BAIAP2: variants seen among roughly 807,000 people sequenced by gnomAD.
BAIAP2 encodes BAR/IMD domain containing adaptor protein 2, also known as BAR/IMD domain-containing adapter protein 2.
In BAIAP2, 18 loss-of-function variants were observed where a neutral mutation model predicts 63.0. The observed-to-expected ratio is 0.29, with a 90% CI of 0.20 to 0.42. The LOEUF (loss-of-function observed/expected upper bound fraction) is 0.42, where lower values mean the gene tolerates loss of function less well. Among genes scored for constraint, BAIAP2 ranks in the 10% least tolerant of loss-of-function variants. The pLI, the probability that BAIAP2 is intolerant of heterozygous loss-of-function variation, is 1.00. For synonymous variants in BAIAP2, 386 were observed against 307.6 expected, an observed-to-expected ratio of 1.25 and a Z score of -2.67; for missense variants, 610 against 734.3, an observed-to-expected ratio of 0.83 and a Z score of 1.96.
At chr17:81,110,973 C>A in intron 13 of BAIAP2, 2 of 1,613,728 alleles carry the variant, frequency 1.2e-6, no homozygotes, top group Middle Eastern at 1.6e-4. Flanking sequence ...AGTTGCCTGG[C>A]GTTCTCGTGC....
At chr17:81,044,164 T>C (rs553696571) in intron 1 of BAIAP2, among the ~76,000 whole-genome samples, 2 of 152,296 alleles carry the variant, frequency 1.3e-5, no homozygotes, top group South Asian at 4.1e-4. Flanking sequence ...GTACAGGCAT[T>C]CCTAAGCTGC....
chr17:81,067,699 G>A (rs1044164296), intron 3 of BAIAP2, among the ~76,000 whole-genome samples: 63 of 152,230 alleles, frequency 4.1e-4, no homozygotes, highest in African/African-American at 1.1e-3. Flanking sequence ...GTCCTCTGCC[G>A]GCGTTGCTGC....
At chr17:81,100,359 G>A (rs1485746986) in intron 7 of BAIAP2, among the ~76,000 whole-genome samples, 1 of 92,916 alleles carries the variant, frequency 1.1e-5, no homozygotes, top group Non-Finnish European at 2.6e-5. Flanking sequence ...AATGTTCTTG[G>A]CTCTTCTGCC....
At position 81,074,014 on chromosome 17, in the gene BAIAP2, G is replaced by A. The variant is rs781548287; in HGVS notation, c.218-10818G>A. 6.6e-5 allele frequency among the ~76,000 whole-genome samples: 10 copies of A among 152,236 alleles called. No homozygotes were observed. The South Asian group carries it at 1.0e-3, about 16-fold the overall frequency. On this transcript the variant is annotated intron_variant, in intron 3 of 13. Transcript: ENST00000428708. ...AGAGAGACTAAAGCCACGTGCCAAC[G>A]CAACACAGCGGGACCCTTGATGAGA...
rs1032969024 is a variant in BAIAP2, at chr17:81,112,169, C to T, written c.1536-3601C>T. Among the ~76,000 whole-genome samples, 4 of 152,362 alleles carry T rather than the reference C, an allele frequency of 2.6e-5. No individual in the cohort carries two copies. The East Asian group carries it at 5.8e-4, about 22-fold the overall frequency. ...GGAGGCCTCCAGACCCCCCCACTCC[C>T]CCAGGTCCCTCTGAGCTGAGGGGGC... On this transcript the variant is annotated intron_variant, in intron 13 of 13. Transcript: ENST00000428708.
rs981554078 is a variant in BAIAP2 at position 81,058,658 on chromosome 17, C to T, written c.217+691C>T. Among the ~76,000 whole-genome samples, 116 of 152,222 alleles carry T rather than the reference C, an allele frequency of 7.6e-4. 1 individual carries two copies. The highest frequency in any genetic ancestry group is 6.3e-4 in the Non-Finnish European group (43 of 68,042). ...CCAGAGCGAGCTGTGGCCGGCAGAG[C>T]GGCCCTTGACGCACAAGGAAGCCTG... On this transcript the variant is annotated intron_variant, in intron 3 of 13. Transcript: ENST00000428708.
At chr17:81,038,688 G>A (rs1239437496) in intron 1 of BAIAP2, among the ~76,000 whole-genome samples, 1 of 152,224 alleles carries the variant, frequency 6.6e-6, no homozygotes, top group African/African-American at 2.4e-5. Flanking sequence ...CCAGGTGGTG[G>A]GCGTCATGTG....
intron 6 of BAIAP2, chr17:81,098,324 T>TC: frequency 1.7e-6 from 1 of 585,516 alleles, no homozygotes. Context: ...TCCCCCAAAC[T>TC]CCCCCTCTCC....
chr17:81,066,496 G>A (rs982628576), intron 3 of BAIAP2, among the ~76,000 whole-genome samples: 2 of 152,204 alleles, frequency 1.3e-5, no homozygotes, highest in Non-Finnish European at 2.9e-5. Context: ...TGGGAGAGCT[G>A]GGGCCTGGGG....
At chr17:81,063,470 C>T (rs529596656) in intron 3 of BAIAP2, among the ~76,000 whole-genome samples, 5 of 152,318 alleles carry the variant, frequency 3.3e-5, no homozygotes, top group African/African-American at 7.2e-5. Flanking sequence ...TGGATGAGCT[C>T]GAGGCCCAAG....
At chr17:81,079,023 C>T (rs918117438) in intron 3 of BAIAP2, among the ~76,000 whole-genome samples, 6 of 152,106 alleles carry the variant, frequency 3.9e-5, no homozygotes, top group Non-Finnish European at 5.9e-5. Context: ...GGGGTCTCAC[C>T]GATCTCTGCT....
intron 6 of BAIAP2, among the ~76,000 whole-genome samples, chr17:81,095,766 T>C (rs1038344279): frequency 6.6e-6 from 1 of 152,110 alleles, no homozygotes; most frequent in Admixed American, 6.5e-5. Flanking sequence ...TCCCCCGACT[T>C]CCCCTGGGTT....
At chr17:81,093,168 G>A (rs2057081187) in intron 6 of BAIAP2, among the ~76,000 whole-genome samples, 1 of 152,078 alleles carries the variant, frequency 6.6e-6, no homozygotes, top group East Asian at 1.9e-4. Context: ...GGGAGCCCCG[G>A]CCCGCTGGAT....
intron 1 of BAIAP2, among the ~76,000 whole-genome samples, chr17:81,037,196 C>T (rs1029858416): frequency 2.0e-5 from 3 of 151,466 alleles, no homozygotes; most frequent in Admixed American, 1.3e-4. Flanking sequence ...TGCGTTTTGT[C>T]TTCCACGGGT....
chr17:81,095,005 A>G (rs2057389119), intron 6 of BAIAP2, among the ~76,000 whole-genome samples: 1 of 152,238 alleles, frequency 6.6e-6, no homozygotes, highest in African/African-American at 2.4e-5. Flanking sequence ...GAGTCACCGC[A>G]TGCTGCGGAG....
intron 7 of BAIAP2, among the ~76,000 whole-genome samples, chr17:81,102,938 TG>T (rs1162746393): frequency 1.3e-5 from 2 of 152,230 alleles, no homozygotes; most frequent in Non-Finnish European, 2.9e-5. Flanking sequence ...TCTCCATGCC[TG>T]TGGCTTCCTC....
chr17:81,108,099 T>G, intron 12 of BAIAP2: 1 of 306,628 alleles, frequency 3.3e-6, no homozygotes, highest in Non-Finnish European at 6.1e-6. Context: ...GGCGGAGGAG[T>G]CCCAGGGGCC....
intron 2 of BAIAP2, among the ~76,000 whole-genome samples, chr17:81,054,506 A>C (rs984129437): frequency 6.6e-6 from 1 of 152,164 alleles, no homozygotes; most frequent in Non-Finnish European, 1.5e-5. Context: ...CTGTGGCAGC[A>C]CGCCCCTGCC....
At chr17:81,109,297 A>G in intron 13 of BAIAP2, 1 of 1,202,762 alleles carries the variant, frequency 8.3e-7, no homozygotes. Context: ...CTCACCCTGC[A>G]GTGTCTGTGG....
Sources: gnomAD v4.1 joint callset for allele counts (sites outside exome capture counted in the v4.1 genomes callset) on GRCh38, gnomAD v4.1.1 for gene constraint, MANE v1.5 for transcripts, NCBI Gene and HGNC (gene_info 2026-07-23, HGNC 2026-07-21) for gene names.